The following ABCC1 variants were observed in gnomAD, a reference collection of about 807,000 sequenced individuals.
ABCC1 encodes the protein ATP binding cassette subfamily C member 1 (ABCC1 blood group).
In ABCC1, 83 loss-of-function variants were observed where a neutral mutation model predicts 172.9. The ratio of observed to expected loss-of-function variants is 0.48; its 90% CI spans 0.40 to 0.58. ABCC1 has a LOEUF of 0.58. ABCC1 is among the 20% of genes least tolerant of loss of function. The probability of loss-of-function intolerance (pLI) is 0.00; values close to 1 mark genes in which losing one functional copy is unlikely to be tolerated. For missense variants in ABCC1, 1,817 were observed against 2,002.7 expected (o/e 0.91, Z 1.77); for synonymous variants, 937 against 825.2 (o/e 1.14, Z -2.32).
chr16:16,004,958 C>T (rs1406328599), intron 1 of ABCC1, among the ~76,000 whole-genome samples: 2 of 152,006 alleles, frequency 1.3e-5, no homozygotes, highest in African/African-American at 4.8e-5. Flanking sequence ...AGCCACCGCG[C>T]CCAACCTAAT....
intron 5 of ABCC1, among the ~76,000 whole-genome samples, chr16:16,026,047 AT>A (rs964183825): frequency 3.9e-5 from 6 of 151,934 alleles, no homozygotes; most frequent in Admixed American, 6.6e-5. Context: ...GTGCCCCATG[AT>A]TTTTTTTCCT....
At chr16:15,975,021 A>G (rs1482101264) in intron 1 of ABCC1, among the ~76,000 whole-genome samples, 4 of 152,072 alleles carry the variant, frequency 2.6e-5, no homozygotes, top group Non-Finnish European at 5.9e-5. Flanking sequence ...GCCTGACCTC[A>G]AGTGATCCCC....
chr16:16,133,856 A>T (rs766212096), intron 27 of ABCC1, among the ~76,000 whole-genome samples: 30 of 152,164 alleles, frequency 2.0e-4, no homozygotes, highest in Non-Finnish European at 3.8e-4. Context: ...TCCTTTGGCC[A>T]TTAGCTAGAG....
intron 21 of ABCC1, among the ~76,000 whole-genome samples, chr16:16,110,967 C>T (rs1440866237): frequency 6.6e-6 from 1 of 152,144 alleles, no homozygotes; most frequent in Non-Finnish European, 1.5e-5. Context: ...GTGGGGCAAT[C>T]TTGGCTCACT....
At chr16:16,131,719 G>A in intron 26 of ABCC1, 70 bp from the exon 27 acceptor site, 1 of 1,557,584 alleles carries the variant, frequency 6.4e-7, no homozygotes, top group South Asian at 1.2e-5. Flanking sequence ...TGAGAGGGGA[G>A]GTCAGGGGAG....
At chr16:16,123,725 A>G (rs565759535) in intron 24 of ABCC1, among the ~76,000 whole-genome samples, 2 of 152,326 alleles carry the variant, frequency 1.3e-5, no homozygotes, top group African/African-American at 4.8e-5. Flanking sequence ...TTAAACAAAT[A>G]AGATGACCAG....
At chr16:15,984,179 G>A (rs1449405763) in intron 1 of ABCC1, among the ~76,000 whole-genome samples, 1 of 152,214 alleles carries the variant, frequency 6.6e-6, no homozygotes, top group African/African-American at 2.4e-5. Flanking sequence ...CCCTTCCGTG[G>A]TAGGGTGGGA....
At position 16,082,516 on chromosome 16, in the gene ABCC1, G is replaced by A. The variant is rs146617754; in HGVS notation, c.2116-850G>A. Among the ~76,000 whole-genome samples the A allele has an allele frequency of 2.5e-3, 378 of 152,252 alleles. 1 individual carries two copies. Among genetic ancestry groups the A allele is most frequent in the African/African-American group, 8.5e-3 (352 of 41,556 alleles). On this transcript the variant is annotated intron_variant, in intron 16 of 30. Transcript: ENST00000399410. ...TTACTCTAGCCTTTATTCTCATGCT[G>A]TTTGTGATACCTGACATATGGAAAT...
intron 29 of ABCC1, 71 bp from the exon 30 acceptor site, chr16:16,138,293 C>A: frequency 6.9e-7 from 1 of 1,454,686 alleles, no homozygotes; most frequent in Non-Finnish European, 9.3e-7. Context: ...CTTCTCCCAG[C>A]CTGGGCCTAG....
chr16:16,140,388 G>A (rs1202595935), intron 30 of ABCC1, among the ~76,000 whole-genome samples: 4 of 152,008 alleles, frequency 2.6e-5, no homozygotes, highest in Admixed American at 2.0e-4. Flanking sequence ...TCACCCTGTC[G>A]CCCAGGCTGG....
At chr16:15,995,199 G>A (rs1284815993) in intron 1 of ABCC1, among the ~76,000 whole-genome samples, 1 of 152,010 alleles carries the variant, frequency 6.6e-6, no homozygotes, top group Non-Finnish European at 1.5e-5. Context: ...GACCAGGCCT[G>A]GTTCTGTATC....
At chr16:15,981,741 A>G (rs2046624621) in intron 1 of ABCC1, among the ~76,000 whole-genome samples, 1 of 152,132 alleles carries the variant, frequency 6.6e-6, no homozygotes, top group Non-Finnish European at 1.5e-5. Context: ...GGTGATTAAC[A>G]TTTGGTTCCG....
At chr16:15,989,851 G>A (rs1057336025) in intron 1 of ABCC1, among the ~76,000 whole-genome samples, 5 of 152,202 alleles carry the variant, frequency 3.3e-5, no homozygotes, top group Non-Finnish European at 7.4e-5. Context: ...TATGCAGTCC[G>A]TGCTTAGACA....
At chr16:16,004,414 A>G (rs2047441630) in intron 1 of ABCC1, among the ~76,000 whole-genome samples, 2 of 152,244 alleles carry the variant, frequency 1.3e-5, no homozygotes, top group Non-Finnish European at 1.5e-5. Context: ...TGTTCTGTAT[A>G]TAATGACCAC....
intron 1 of ABCC1, among the ~76,000 whole-genome samples, chr16:15,994,305 CT>C (rs1230354789): frequency 1.3e-5 from 2 of 152,164 alleles, no homozygotes; most frequent in Non-Finnish European, 2.9e-5. Context: ...CAGTGTCAGA[CT>C]CTCAGTGGGT....
chr16:16,024,722 C>T (rs750686632), intron 5 of ABCC1, among the ~76,000 whole-genome samples: 1 of 152,132 alleles, frequency 6.6e-6, no homozygotes, highest in Non-Finnish European at 1.5e-5. Flanking sequence ...TGGAATGACA[C>T]ACTCAGGTTG....
chr16:15,968,910 T>G (rs530130544), intron 1 of ABCC1, among the ~76,000 whole-genome samples: 2 of 151,832 alleles, frequency 1.3e-5, no homozygotes, highest in South Asian at 4.2e-4. Flanking sequence ...TTTTTTTTTT[T>G]GTATTGAAAA....
At chr16:15,964,627 T>G (rs1057128934) in intron 1 of ABCC1, among the ~76,000 whole-genome samples, 3 of 152,024 alleles carry the variant, frequency 2.0e-5, no homozygotes, top group Non-Finnish European at 4.4e-5. Flanking sequence ...AAATAACATT[T>G]AAATCAAAAT....
At chr16:16,030,526 A>G (rs1192129181) in intron 5 of ABCC1, among the ~76,000 whole-genome samples, 3 of 152,122 alleles carry the variant, frequency 2.0e-5, no homozygotes, top group Non-Finnish European at 4.4e-5. Context: ...CTCCATCTCA[A>G]AAAACAAAAC....
Sources: gnomAD v4.1 joint callset for allele counts (sites outside exome capture counted in the v4.1 genomes callset) on GRCh38, gnomAD v4.1.1 for gene constraint, MANE v1.5 for transcripts, NCBI Gene and HGNC (gene_info 2026-07-23, HGNC 2026-07-21) for gene names.